The following BRF1 variants were observed in gnomAD, a reference collection of about 807,000 sequenced individuals.
BRF1 encodes the protein BRF1 general transcription factor IIIB subunit, also known as transcription factor IIIB 90 kDa subunit.
Under a neutral mutation model 81.7 loss-of-function variants are expected in BRF1, and 59 were observed. That is an observed-to-expected ratio of 0.72 (90% CI 0.59 to 0.90). The LOEUF is 0.90. Ranked by LOEUF, BRF1 falls within the 40% of genes least tolerant of loss-of-function variation. The pLI is 0.00. For missense variants in BRF1, 1,050 were observed against 936.3 expected (o/e 1.12, Z -1.58); for synonymous variants, 491 against 395.6 (o/e 1.24, Z -2.86).
intron 2 of BRF1, among the ~76,000 whole-genome samples, chr14:105,278,611 T>C (rs975582939): frequency 1.3e-5 from 2 of 151,796 alleles, no homozygotes; most frequent in African/African-American, 4.8e-5. Context: ...TTCATTATAA[T>C]TAAGAAATTT....
upstream of BRF1, among the ~76,000 whole-genome samples, chr14:105,302,324 C>T (rs1429636368): frequency 1.3e-5 from 2 of 151,676 alleles, no homozygotes; most frequent in African/African-American, 2.4e-5. Flanking sequence ...CTCTCTCAGC[C>T]TCCCGAGTAG....
At chr14:105,248,561 G>A (rs2055299379) in intron 5 of BRF1, 24 of 898,774 alleles carry the variant, frequency 2.7e-5, no homozygotes, top group Admixed American at 1.4e-4. Flanking sequence ...GCCGCGGCGG[G>A]TACGGGCTCG....
At chr14:105,286,005 TATAA>T (rs2057300554) in intron 2 of BRF1, among the ~76,000 whole-genome samples, 1 of 152,230 alleles carries the variant, frequency 6.6e-6, no homozygotes, top group African/African-American at 2.4e-5. Flanking sequence ...ATCCAACTGC[TATAA>T]ATGTGTTATT....
chr14:105,257,278 A>G (rs1246387075), intron 3 of BRF1, among the ~76,000 whole-genome samples: 2 of 152,232 alleles, frequency 1.3e-5, no homozygotes, highest in Non-Finnish European at 2.9e-5. Flanking sequence ...TAGCTTCGAG[A>G]AGTCACTAAG....
At chr14:105,248,440 C>G (rs1022569663) in intron 5 of BRF1, 7 of 985,156 alleles carry the variant, frequency 7.1e-6, no homozygotes, top group East Asian at 2.3e-4. Flanking sequence ...CGGCTCGCGC[C>G]GGTTGCTGGG....
intron 10 of BRF1, among the ~76,000 whole-genome samples, chr14:105,222,749 C>A (rs1892488587): frequency 6.6e-6 from 1 of 152,196 alleles, no homozygotes; most frequent in Admixed American, 6.5e-5. Context: ...CTGCCTCAGC[C>A]TCCTGAGTAG....
In BRF1 at chr14:105,269,160, G is replaced by GC. The variant is rs2140387916; in HGVS notation, c.439+3560dup. ...GCAGGCCTAGGGCACGGTGCTGCCCGCAACCTGAAGGGAGGGCAGAGCGGG... is the reference window on the plus strand; with the variant it reads ...GCAGGCCTAGGGCACGGTGCTGCCCGCCAACCTGAAGGGAGGGCAGAGCGGG... On this transcript the variant is annotated intron_variant, in intron 3 of 17. Transcript: ENST00000547530. The surrounding 1 kb of genome is among the most constrained non-coding windows in gnomAD (Gnocchi z 5.0). Among the ~76,000 whole-genome samples the GC allele has an allele frequency of 6.6e-6, 1 of 152,230 alleles. No individual in the cohort carries two copies. Among genetic ancestry groups the GC allele is most frequent in the African/African-American group, 2.4e-5 (1 of 41,530 alleles).
At chr14:105,251,550 G>A (rs1248201014) in intron 5 of BRF1, among the ~76,000 whole-genome samples, 4 of 152,180 alleles carry the variant, frequency 2.6e-5, no homozygotes, top group Admixed American at 6.5e-5. Flanking sequence ...TATGACCCCC[G>A]AAAAGAGGGA....
chr14:105,248,051 T>TG, intron 5 of BRF1: 1 of 985,516 alleles, frequency 1.0e-6, no homozygotes, highest in Non-Finnish European at 1.2e-6. Context: ...CCGCCGGCTG[T>TG]GTGACCTTCA....
At chr14:105,247,092 G>T (rs1566830432) in intron 5 of BRF1, 1 of 985,430 alleles carries the variant, frequency 1.0e-6, no homozygotes, top group African/African-American at 1.7e-5. Context: ...GAAACAGACG[G>T]CTGGGACAGA....
intron 6 of BRF1, among the ~76,000 whole-genome samples, chr14:105,229,691 G>C (rs1161588823): frequency 5.5e-5 from 8 of 144,590 alleles, no homozygotes; most frequent in South Asian, 2.3e-4. Context: ...CAACAACCTA[G>C]CATCTCAGGA....
intron 10 of BRF1, among the ~76,000 whole-genome samples, chr14:105,223,313 C>T (rs1193839186): frequency 8.0e-5 from 12 of 149,438 alleles, no homozygotes; most frequent in East Asian, 3.9e-4. Context: ...TGTTCACGAG[C>T]GCATCTGAAA....
chr14:105,224,651 G>T lies in BRF1; in HGVS notation c.1048+1418C>A, dbSNP rs148406620. 2.0e-3 allele frequency among the ~76,000 whole-genome samples: 308 copies of T among 152,276 alleles called. 2 individuals are homozygous for T. Among genetic ancestry groups the T allele is most frequent in the African/African-American group, 7.0e-3 (292 of 41,552 alleles). ...GCACATCGAACTCCTGGGTTCAAGT[G>T]ATCCTCCGGCCTCAGCCTCCCGAGG... On this transcript the variant is annotated intron_variant, in intron 10 of 17. Transcript: ENST00000547530.
chr14:105,219,902 G>C (rs959051116), intron 12 of BRF1, 167 bp downstream of exon 12: 20 of 512,762 alleles, frequency 3.9e-5, no homozygotes, highest in Non-Finnish European at 5.5e-5. Context: ...AAGAGAGTGT[G>C]GGGGGGGGTC....
intron 15 of BRF1, 167 bp downstream of exon 15, chr14:105,217,377 C>A: frequency 9.2e-7 from 1 of 1,092,022 alleles, no homozygotes. Context: ...GAGACACTGT[C>A]AAGGTGCCGG....
chr14:105,297,985 G>A (rs1257986770), intron 1 of BRF1, among the ~76,000 whole-genome samples: 7 of 152,224 alleles, frequency 4.6e-5, no homozygotes, highest in Non-Finnish European at 7.3e-5. Flanking sequence ...AGCAAAGCGA[G>A]ACTCCGTCTC....
intron 4 of BRF1, among the ~76,000 whole-genome samples, chr14:105,254,357 C>T (rs971265549): frequency 1.5e-4 from 23 of 151,586 alleles, no homozygotes; most frequent in African/African-American, 4.8e-4. Flanking sequence ...CCCGGGTTCA[C>T]GTCATTCTCC....
chr14:105,314,635 C>G (rs1031820742), intron 1 of BRF1: 1 of 143,482 alleles, frequency 7.0e-6, no homozygotes, highest in African/African-American at 2.5e-5. Flanking sequence ...GCTGGCGCCC[C>G]GCCCAGCCAA....
Position 105,252,553 on chromosome 14 carries a change from C to T in BRF1, c.498G>A (p.Thr166=), listed in dbSNP as rs369644273. 1.7e-5 allele frequency: 28 copies of T among 1,613,760 alleles called. No homozygotes were observed. The highest frequency in any genetic ancestry group is 9.3e-5 in the African/African-American group (7 of 74,936). Reference sequence around the variant, plus strand: ...AGAGCTCTCTTGCCAAGAGAAGAAACGTCTTTCCAAGCACGTACACATTCA... The same window carrying T: ...AGAGCTCTCTTGCCAAGAGAAGAAATGTCTTTCCAAGCACGTACACATTCA... ...LQVNVYVLGK[T]FLLLARELCI... Residue 166 remains threonine (T), a synonymous_variant, in exon 5 of 18, where the codon ACG becomes ACA. Transcript: ENST00000547530.
Sources: gnomAD v4.1 joint callset for allele counts (sites outside exome capture counted in the v4.1 genomes callset) on GRCh38, gnomAD v4.1.1 for gene constraint, Gnocchi (gnomAD v3.1) non-coding constraint, MANE v1.5 for transcripts, NCBI Gene and HGNC (gene_info 2026-07-23, HGNC 2026-07-21) for gene names.